CDH6: variants seen among roughly 807,000 people sequenced by gnomAD.
The protein encoded by CDH6 is cadherin-6.
CDH6 carries 31 observed loss-of-function variants against 78.0 expected under a neutral mutation model. The ratio of observed to expected loss-of-function variants is 0.40; its 90% CI spans 0.30 to 0.54. CDH6 has a LOEUF of 0.54. Ranked by LOEUF, CDH6 falls within the 20% of genes least tolerant of loss-of-function variation. CDH6 has a pLI of 0.56. For synonymous variants in CDH6, 376 were observed against 368.8 expected, an observed-to-expected ratio of 1.02 and a Z score of -0.23; for missense variants, 724 against 975.9, an observed-to-expected ratio of 0.74 and a Z score of 3.44.
intron 1 of CDH6, among the ~76,000 whole-genome samples, chr5:31,218,621 T>C (rs771553738): frequency 3.9e-5 from 6 of 152,146 alleles, no homozygotes; most frequent in Non-Finnish European, 7.4e-5. Context: ...AGTCATCTCT[T>C]CTGCCCAAAT....
chr5:31,220,831 C>A (rs1740984871), intron 1 of CDH6, among the ~76,000 whole-genome samples: 1 of 152,038 alleles, frequency 6.6e-6, no homozygotes, highest in African/African-American at 2.4e-5. Context: ...TGAAAACTGG[C>A]CAAGAGTCCC....
chr5:31,257,799 A>C (rs1351119696), intron 1 of CDH6, among the ~76,000 whole-genome samples: 1 of 152,188 alleles, frequency 6.6e-6, no homozygotes, highest in Non-Finnish European at 1.5e-5. Context: ...TAAAAACCTG[A>C]TGATAAATTT....
chr5:31,218,117 T>TA (rs1460654004), intron 1 of CDH6, among the ~76,000 whole-genome samples: 1 of 152,138 alleles, frequency 6.6e-6, no homozygotes, highest in Non-Finnish European at 1.5e-5. Context: ...CCAGAACAGT[T>TA]AAAATCATGG....
chr5:31,317,087 G>C (rs73089394), intron 9 of CDH6, among the ~76,000 whole-genome samples: 1,680 of 152,214 alleles, frequency 0.011, 31 homozygotes, highest in South Asian at 0.042. Context: ...GAGAGAGTTT[G>C]ATTGTCACAC....
intron 1 of CDH6, among the ~76,000 whole-genome samples, chr5:31,199,349 G>A (rs1231545296): frequency 2.7e-5 from 4 of 149,210 alleles, no homozygotes; most frequent in African/African-American, 9.9e-5. Flanking sequence ...TACATATGGT[G>A]TATATATATG....
rs916223559 is a variant in CDH6, at chr5:31,294,357, A to T, written c.523+101A>T. The stretch of plus-strand genomic sequence containing the variant: ...AAAGTACTGAACTGCATGAATTTAG[A>T]TGCTAACTTCTTCAATCCATGTATG... On this transcript the variant is annotated intron_variant, in intron 3 of 11. Coordinates refer to ENST00000265071, the MANE Select transcript of CDH6 (RefSeq NM_004932.4). This position sits in a 1 kb window ranked among gnomAD's most constrained non-coding sequence, Gnocchi z 4.1. 4 of 892,712 alleles carry T rather than the reference A, an allele frequency of 4.5e-6. No individual in the cohort carries two copies. The highest frequency in any genetic ancestry group is 7.1e-6 in the Non-Finnish European group (4 of 563,524). The allele number at this position is 892,712 out of a possible 1,614,324, so 55.3% of individuals were successfully genotyped here.
At chr5:31,314,313 CA>C (rs1738244316) in intron 8 of CDH6, among the ~76,000 whole-genome samples, 1 of 126,194 alleles carries the variant, frequency 7.9e-6, no homozygotes, top group Non-Finnish European at 1.6e-5. Flanking sequence ...CCCCACCCCA[CA>C]ACAGGCCCCG....
chr5:31,253,393 A>T (rs1244009845), intron 1 of CDH6, among the ~76,000 whole-genome samples: 1 of 152,160 alleles, frequency 6.6e-6, no homozygotes, highest in African/African-American at 2.4e-5. Context: ...GAAGAAGGAC[A>T]TGTTTGCTTT....
intron 2 of CDH6, among the ~76,000 whole-genome samples, chr5:31,285,010 C>A (rs1305943352): frequency 1.3e-5 from 2 of 152,148 alleles, no homozygotes; most frequent in Admixed American, 6.5e-5. Context: ...ATTGGGATTG[C>A]ACTAAATTAC....
chr5:31,319,701 G>A (rs1357642087), intron 11 of CDH6, among the ~76,000 whole-genome samples: 1 of 152,196 alleles, frequency 6.6e-6, no homozygotes, highest in African/African-American at 2.4e-5. Context: ...TGAAGAAAGT[G>A]GAGGAAAATG....
intron 7 of CDH6, among the ~76,000 whole-genome samples, chr5:31,309,741 G>A (rs983536950): frequency 8.5e-5 from 13 of 152,138 alleles, no homozygotes; most frequent in Non-Finnish European, 1.8e-4. Flanking sequence ...ATGGCCGAGA[G>A]GCCTCAGGAA....
rs113381411 is a variant in CDH6, at chr5:31,323,144, A to G, written c.2209A>G (p.Thr737Ala). The change falls in exon 12 of 12, where the codon ACT becomes GCT. Residue 737 changes from threonine to alanine, a missense_variant. Thr to Ala is a moderately conservative substitution (Grantham distance 58). This residue lies in a region of CDH6 where 220 missense variants were observed against 240.6 expected (regional missense o/e 0.91). Coordinates refer to ENST00000265071, the MANE Select transcript of CDH6 (RefSeq NM_004932.4). ...PTAPPYDSLA[T>A]YAYEGTGSVA... The stretch of plus-strand genomic sequence containing the variant: ...TGCCCCGCCATACGACTCCTTGGCC[A>G]CTTACGCCTATGAAGGCACTGGCTC... 2 of 1,614,204 alleles carry G rather than the reference A, an allele frequency of 1.2e-6. No homozygotes were observed. The highest frequency in any genetic ancestry group is 1.7e-6 in the Non-Finnish European group (2 of 1,180,028).
At chr5:31,242,668 A>G (rs1377779316) in intron 1 of CDH6, among the ~76,000 whole-genome samples, 2 of 147,458 alleles carry the variant, frequency 1.4e-5, no homozygotes, top group African/African-American at 5.0e-5. Context: ...ACTGCAGTCA[A>G]GCTGCTGCCT....
intron 7 of CDH6, among the ~76,000 whole-genome samples, chr5:31,306,192 T>C (rs1417312985): frequency 6.6e-6 from 1 of 152,194 alleles, no homozygotes; most frequent in African/African-American, 2.4e-5. Flanking sequence ...TTATCCTCCA[T>C]TCGGATGGTT....
At chr5:31,301,685 T>C (rs1007998766) in intron 5 of CDH6, among the ~76,000 whole-genome samples, 3 of 152,238 alleles carry the variant, frequency 2.0e-5, no homozygotes, top group Admixed American at 6.5e-5. Context: ...CACCTCCAGC[T>C]ATTATTAGCA....
chr5:31,289,095 C>T (rs556566312), intron 2 of CDH6, among the ~76,000 whole-genome samples: 6 of 152,210 alleles, frequency 3.9e-5, no homozygotes, highest in Non-Finnish European at 8.8e-5. Context: ...ACATTGTACC[C>T]AGTAGGTGAT....
chr5:31,302,882 G>A (rs1308066383), intron 6 of CDH6, among the ~76,000 whole-genome samples: 3 of 83,016 alleles, frequency 3.6e-5, no homozygotes, highest in African/African-American at 1.1e-4. Flanking sequence ...AGGGAAGGAA[G>A]GAAGGAAAGA....
intron 1 of CDH6, among the ~76,000 whole-genome samples, chr5:31,199,685 G>GTGTATATATATATATATATATA (rs796740950): frequency 5.0e-5 from 4 of 79,848 alleles, no homozygotes; most frequent in Admixed American, 1.5e-4. Flanking sequence ...GTGTGTGTGT[G>GTGTATATATATATATATATATA]TATATATATA....
In CDH6 at chr5:31,237,003, T is replaced by C. The variant is rs996765133; in HGVS notation, c.-128-30343T>C. 5.3e-5 allele frequency among the ~76,000 whole-genome samples: 8 copies of C among 152,200 alleles called. No individual in the cohort carries two copies. The South Asian group carries it at 1.2e-3, about 24-fold the overall frequency. On this transcript the variant is annotated intron_variant, in intron 1 of 11. Transcript: ENST00000265071. ...ATAGATTTGTACGTTTAAGAATACA[T>C]TGCCACTTAGCCATATTTTTGAACA...
Sources: allele counts gnomAD v4.1 joint callset (sites outside exome capture counted in the v4.1 genomes callset), GRCh38; gene constraint gnomAD v4.1.1; regional missense constraint gnomAD v4.1.1; non-coding constraint Gnocchi (gnomAD v3.1); transcripts MANE v1.5; gene names NCBI Gene and HGNC (gene_info 2026-07-23, HGNC 2026-07-21).